Variants in JAK1 observed in about 807,000 individuals in gnomAD.
JAK1 encodes the protein Janus kinase 1.
JAK1 carries 16 observed loss-of-function variants against 136.6 expected under a neutral mutation model. The observed-to-expected ratio is 0.12, with a 90% confidence interval of 0.08 to 0.18. The LOEUF (loss-of-function observed/expected upper bound fraction) is 0.18, where lower values mean the gene tolerates loss of function less well. Among genes scored for constraint, JAK1 ranks in the 10% least tolerant of loss-of-function variants. The probability of loss-of-function intolerance (pLI) is 1.00; values close to 1 mark genes in which losing one functional copy is unlikely to be tolerated. For synonymous variants in JAK1, 492 were observed against 519.5 expected, an observed-to-expected ratio of 0.95 and a Z score of 0.72; for missense variants, 859 against 1,450.1, an observed-to-expected ratio of 0.59 and a Z score of 6.62.
chr1:64,864,357 A>T (rs1322386486), intron 8 of JAK1, among the ~76,000 whole-genome samples: 1 of 152,200 alleles, frequency 6.6e-6, no homozygotes, highest in Non-Finnish European at 1.5e-5. Flanking sequence ...TGTGCCTGAC[A>T]CCATATCGAT....
At chr1:65,059,875 G>A (rs910957250) in intron 1 of JAK1, among the ~76,000 whole-genome samples, 1 of 152,072 alleles carries the variant, frequency 6.6e-6, no homozygotes, top group African/African-American at 2.4e-5. Context: ...AAATAAGTCA[G>A]GTAGATGAAT....
intron 1 of JAK1, among the ~76,000 whole-genome samples, chr1:64,898,605 T>G (rs7549242): frequency 6.6e-6 from 1 of 152,158 alleles, no homozygotes; most frequent in African/African-American, 2.4e-5. Context: ...AAGAGATTAT[T>G]AGAACCTGAT....
intron 22 of JAK1, among the ~76,000 whole-genome samples, 171 bp from the exon 23 acceptor site, chr1:64,836,386 T>C (rs1654480673): frequency 6.6e-6 from 1 of 152,200 alleles, no homozygotes; most frequent in African/African-American, 2.4e-5. Context: ...GGTGCACATC[T>C]GACCTATAGT....
chr1:64,973,251 AAG>A (rs751240983), intron 2 of JAK1: 8 of 135,632 alleles, frequency 5.9e-5, no homozygotes, highest in South Asian at 5.2e-4. Flanking sequence ...AGGAGAAAGA[AAG>A]AGAGAAAGAA....
chr1:64,966,683 C>T (rs1382387290), upstream of JAK1, among the ~76,000 whole-genome samples: 1 of 150,830 alleles, frequency 6.6e-6, no homozygotes, highest in Non-Finnish European at 1.5e-5. Flanking sequence ...GGAGACTCTG[C>T]GCCTCCGGCC....
At chr1:64,958,990 T>C (rs1357354833) in intron 1 of JAK1, among the ~76,000 whole-genome samples, 1 of 152,208 alleles carries the variant, frequency 6.6e-6, no homozygotes, top group African/African-American at 2.4e-5. Flanking sequence ...TACCTACAGG[T>C]CAGCCTTTTC....
upstream of JAK1, among the ~76,000 whole-genome samples, chr1:64,968,919 G>A (rs569777158): frequency 5.9e-4 from 80 of 136,718 alleles, no homozygotes; most frequent in Non-Finnish European, 8.8e-4. Flanking sequence ...GCGACAGAGC[G>A]AGACTCCCTC....
chr1:65,047,848 C>T (rs919681486), intron 1 of JAK1, among the ~76,000 whole-genome samples: 1 of 151,518 alleles, frequency 6.6e-6, no homozygotes, highest in South Asian at 2.1e-4. Flanking sequence ...ATGCTATGAA[C>T]AAATAAGGCA....
intron 2 of JAK1, among the ~76,000 whole-genome samples, chr1:65,015,034 A>G (rs1301731952): frequency 6.6e-6 from 1 of 152,186 alleles, no homozygotes; most frequent in Non-Finnish European, 1.5e-5. Context: ...ATGAGGGCAT[A>G]GTATTAATAT....
intron 2 of JAK1, among the ~76,000 whole-genome samples, chr1:65,009,288 A>T (rs1352935066): frequency 6.6e-6 from 1 of 152,218 alleles, no homozygotes; most frequent in Non-Finnish European, 1.5e-5. Context: ...AAAATATTTC[A>T]AAAATGCATA....
Position 64,886,352 on chromosome 1 carries a change from A to C in JAK1, c.-77-11T>G. On this transcript the variant is annotated splice_polypyrimidine_tract_variant and intron_variant, in intron 1 of 24. Transcript: ENST00000342505. ...TACTTCAGAGAAGCGCTAAAGACAA[A>C]AATAAATAAATAAATCAGTGGCAGA... 7.0e-7 allele frequency: 1 copy of C among 1,427,852 alleles called. No individual in the cohort carries two copies. Among genetic ancestry groups the C allele is most frequent in the African/African-American group, 1.5e-5 (1 of 68,048 alleles). The allele number at this position is 1,427,852 out of a possible 1,614,324, so 88.4% of individuals were successfully genotyped here. A position where few individuals can be genotyped will look rare whatever the true frequency, so the allele number is the denominator to read the frequency against.
At position 64,841,262 on chromosome 1, in the gene JAK1, T is replaced by C. The variant is rs553794700; in HGVS notation, c.2632A>G (p.Ile878Val). 2.5e-4 allele frequency: 402 copies of C among 1,613,874 alleles called. 2 individuals are homozygous for C. In the South Asian group the frequency reaches 4.3e-3, roughly 17 times the overall value. Residue 878 changes from isoleucine (I) to valine (V), a missense_variant, in exon 19 of 25, where the codon ATC (isoleucine) becomes GTC (valine). Ile to Val is a conservative substitution (Grantham distance 29, BLOSUM62 3). Transcript: ENST00000342505. The part of the protein sequence containing the change: ...THFEKRFLKR[I>V]RDLGEGHFGK... ...TAACTTACCTCTCCCAAGTCACGGA[T>C]CCTCTTTAGGAAGCGCTTTTCAAAA...
At chr1:64,947,858 G>A (rs1420181646) in intron 1 of JAK1, among the ~76,000 whole-genome samples, 1 of 151,646 alleles carries the variant, frequency 6.6e-6, no homozygotes, top group African/African-American at 2.4e-5. Context: ...ACCTCTGAAG[G>A]GAACAATGAA....
chr1:64,893,957 T>G (rs185648337), intron 1 of JAK1, among the ~76,000 whole-genome samples: 3 of 152,324 alleles, frequency 2.0e-5, no homozygotes, highest in Non-Finnish European at 2.9e-5. Context: ...TTCACCTACT[T>G]CTTCTCACCT....
chr1:64,985,747 C>A, intron 2 of JAK1: 1 of 668,204 alleles, frequency 1.5e-6, no homozygotes, highest in Non-Finnish European at 2.7e-6. Flanking sequence ...AGTATTTCAA[C>A]CAACTCAGCT....
chr1:65,001,684 G>T lies in JAK1; in HGVS notation c.-78+42796C>A, dbSNP rs1338400923. ...GAGGTAGAAAGTGTGTGTGTGGGGG[G>T]GGGGGTATGTGTGCCTGAAAGGCAG... On this transcript the variant is annotated intron_variant, in intron 2 of 25. Transcript: ENST00000671954. Among the ~76,000 whole-genome samples the T allele has an allele frequency of 2.7e-5, 4 of 148,880 alleles. 1 individual carries two copies. Among genetic ancestry groups the T allele is most frequent in the Non-Finnish European group, 6.0e-5 (4 of 66,752 alleles).
chr1:64,844,982 G>C lies in JAK1; in HGVS notation c.2116-93C>G, dbSNP rs1223847444. 1.3e-6 allele frequency: 2 copies of C among 1,537,442 alleles called. No homozygotes were observed. Among genetic ancestry groups the C allele is most frequent in the African/African-American group, 2.7e-5 (2 of 73,642 alleles). ...CTCAGGTCATCTCTTCCTACCCCCA[G>C]CTACAGCCAGATCTGGACAGCCTGG... On this transcript the variant is annotated intron_variant, in intron 15 of 24. Transcript: ENST00000342505. This position sits in a 1 kb window ranked among gnomAD's most constrained non-coding sequence, Gnocchi z 5.7.
intron 2 of JAK1, among the ~76,000 whole-genome samples, chr1:65,001,056 AT>A (rs1377101803): frequency 6.6e-6 from 1 of 152,046 alleles, no homozygotes; most frequent in Non-Finnish European, 1.5e-5. Context: ...CTGGCCAGTT[AT>A]TTCAGCATCA....
At chr1:64,935,911 G>C (rs1465458089) in intron 1 of JAK1, among the ~76,000 whole-genome samples, 2 of 152,198 alleles carry the variant, frequency 1.3e-5, no homozygotes, top group Admixed American at 1.3e-4. Flanking sequence ...ACAGGATCCA[G>C]TAGGAACATC....
Sources: gnomAD v4.1 joint callset for allele counts (sites outside exome capture counted in the v4.1 genomes callset) on GRCh38, gnomAD v4.1.1 for gene constraint, Gnocchi (gnomAD v3.1) non-coding constraint, MANE v1.5 for transcripts, NCBI Gene and HGNC (gene_info 2026-07-23, HGNC 2026-07-21) for gene names.